LRRC4C: variants seen among roughly 807,000 people sequenced by gnomAD.
LRRC4C encodes the protein leucine rich repeat containing 4C.
LRRC4C carries 5 observed loss-of-function variants against 33.6 expected under a neutral mutation model. The observed-to-expected ratio is 0.15, with a 90% CI of 0.08 to 0.31. The LOEUF (loss-of-function observed/expected upper bound fraction) is 0.31, where lower values mean the gene tolerates loss of function less well. Among genes scored for constraint, LRRC4C ranks in the 10% least tolerant of loss-of-function variants. The pLI is 1.00. For missense variants in LRRC4C, 560 were observed against 796.7 expected (o/e 0.70, Z 3.58); for synonymous variants, 329 against 302.0 (o/e 1.09, Z -0.93).
intron 3 of LRRC4C, among the ~76,000 whole-genome samples, chr11:40,418,759 A>G (rs1210627565): frequency 6.6e-6 from 1 of 152,346 alleles, no homozygotes; most frequent in South Asian, 2.1e-4. Flanking sequence ...GTACACATAC[A>G]CCATTGAATA....
chr11:40,845,942 C>CT (rs1953137111), intron 2 of LRRC4C, among the ~76,000 whole-genome samples: 1 of 151,114 alleles, frequency 6.6e-6, no homozygotes. Flanking sequence ...TGATGATGAG[C>CT]TTTTTTTCAT....
intron 1 of LRRC4C, among the ~76,000 whole-genome samples, chr11:41,044,703 A>T (rs1013671922): frequency 6.6e-6 from 1 of 152,160 alleles, no homozygotes; most frequent in Non-Finnish European, 1.5e-5. Context: ...GATCAAGTAG[A>T]ACGCAGTTAT....
intron 1 of LRRC4C, among the ~76,000 whole-genome samples, chr11:40,952,163 A>G (rs888200659): frequency 5.9e-5 from 9 of 151,974 alleles, no homozygotes; most frequent in African/African-American, 2.2e-4. Context: ...TGGTGAAATT[A>G]GCAATGTGAG....
chr11:40,131,662 C>T (rs947900902), intron 6 of LRRC4C, among the ~76,000 whole-genome samples: 13 of 152,074 alleles, frequency 8.5e-5, no homozygotes, highest in Non-Finnish European at 1.6e-4. Context: ...TGATTTTGGA[C>T]TCTATTATTG....
rs1048877384 is a variant in LRRC4C at position 40,675,101 on chromosome 11, G to A, written c.-406-26823C>T. Among the ~76,000 whole-genome samples, 3 of 152,184 alleles carry A rather than the reference G, an allele frequency of 2.0e-5. 1 individual carries two copies. Among genetic ancestry groups the A allele is most frequent in the Middle Eastern group, 6.8e-3 (2 of 294 alleles). On this transcript the variant is annotated intron_variant, in intron 2 of 6. Transcript: ENST00000528697. Reference sequence around the variant, plus strand: ...CTTTTAAATTTATTTCATTGACAAGGTAGGTTTACTATACATTTAATGAAG... The same window carrying A: ...CTTTTAAATTTATTTCATTGACAAGATAGGTTTACTATACATTTAATGAAG...
intron 1 of LRRC4C, among the ~76,000 whole-genome samples, chr11:41,117,674 T>C (rs773885250): frequency 7.2e-5 from 11 of 152,102 alleles, no homozygotes; most frequent in Non-Finnish European, 1.2e-4. Flanking sequence ...GGATATCGTG[T>C]TGTGACATTA....
intron 3 of LRRC4C, among the ~76,000 whole-genome samples, chr11:40,331,608 C>A (rs2136939201): frequency 6.6e-6 from 1 of 152,298 alleles, no homozygotes; most frequent in South Asian, 2.1e-4. Flanking sequence ...TCTCCCCTCA[C>A]CAGTGTGGGC....
rs1945697092 is a variant in LRRC4C at position 40,318,711 on chromosome 11, G to C, written c.-176+917C>G. Among the ~76,000 whole-genome samples the C allele has an allele frequency of 2.0e-5, 3 of 152,248 alleles. No individual in the cohort carries two copies. The South Asian group carries it at 6.2e-4, about 32-fold the overall frequency. ...GCTAAGCCCATTTACTACCTAAACTGTTCCCTCCACCTGCTCTTTACAGAA... is the reference window on the plus strand; with the variant it reads ...GCTAAGCCCATTTACTACCTAAACTCTTCCCTCCACCTGCTCTTTACAGAA... On this transcript the variant is annotated intron_variant, in intron 4 of 6. Transcript: ENST00000528697.
intron 4 of LRRC4C, among the ~76,000 whole-genome samples, chr11:40,253,821 G>A (rs1866979886): frequency 1.3e-5 from 2 of 152,130 alleles, no homozygotes; most frequent in South Asian, 4.2e-4. Context: ...AGTGAGACAT[G>A]TCATTGTGTG....
intron 1 of LRRC4C, among the ~76,000 whole-genome samples, chr11:41,210,355 C>G (rs913915705): frequency 1.3e-5 from 2 of 152,152 alleles, no homozygotes; most frequent in African/African-American, 2.4e-5. Context: ...TTGAATAAGT[C>G]TCGCGAGATC....
At chr11:41,280,691 C>T (rs7936500) in intron 1 of LRRC4C, among the ~76,000 whole-genome samples, 19,118 of 152,138 alleles carry the variant, frequency 0.13, 1,342 homozygotes, top group Middle Eastern at 0.24. Context: ...TTGTTCTCTC[C>T]ATGTCCTTCT....
At chr11:40,488,502 T>C (rs1327072226) in intron 3 of LRRC4C, among the ~76,000 whole-genome samples, 1 of 151,308 alleles carries the variant, frequency 6.6e-6, no homozygotes, top group Non-Finnish European at 1.5e-5. Flanking sequence ...TATGGTATTC[T>C]AGTTCTCCAA....
chr11:40,844,950 T>G (rs1326342272), intron 2 of LRRC4C, among the ~76,000 whole-genome samples: 1 of 152,132 alleles, frequency 6.6e-6, no homozygotes, highest in Non-Finnish European at 1.5e-5. Context: ...TTGTCCTTTT[T>G]TTTAATTTTT....
At chr11:41,262,526 C>T (rs540544400) in intron 1 of LRRC4C, among the ~76,000 whole-genome samples, 95 of 152,036 alleles carry the variant, frequency 6.2e-4, no homozygotes, top group African/African-American at 2.0e-3. Context: ...GAGTCCTGCA[C>T]GGACATAACT....
intron 2 of LRRC4C, among the ~76,000 whole-genome samples, chr11:40,930,904 A>G (rs375991548): frequency 6.6e-6 from 1 of 152,224 alleles, no homozygotes; most frequent in Non-Finnish European, 1.5e-5. Flanking sequence ...AGAAAAGTTA[A>G]TTAAACAATA....
intron 3 of LRRC4C, among the ~76,000 whole-genome samples, chr11:40,523,428 T>C (rs1277551727): frequency 6.6e-6 from 1 of 151,530 alleles, no homozygotes; most frequent in Non-Finnish European, 1.5e-5. Context: ...AATATCAATC[T>C]CTTATAAGAT....
intron 1 of LRRC4C, among the ~76,000 whole-genome samples, chr11:41,119,749 C>T (rs1942328157): frequency 6.6e-6 from 1 of 152,106 alleles, no homozygotes; most frequent in South Asian, 2.1e-4. Context: ...CATGTTTGCT[C>T]TCTCTTGAAA....
chr11:41,398,627 T>C (rs1366293163), intron 1 of LRRC4C, among the ~76,000 whole-genome samples: 1 of 151,914 alleles, frequency 6.6e-6, no homozygotes, highest in African/African-American at 2.4e-5. Context: ...TAGTTTGATC[T>C]TGATTTCAAT....
intron 2 of LRRC4C, among the ~76,000 whole-genome samples, chr11:40,827,435 A>C (rs2135517809): frequency 6.6e-6 from 1 of 151,886 alleles, no homozygotes; most frequent in African/African-American, 2.4e-5. Context: ...TAAAAAGAAA[A>C]AATAAAAAAA....
Sources: gnomAD v4.1 joint callset for allele counts (sites outside exome capture counted in the v4.1 genomes callset) on GRCh38, gnomAD v4.1.1 for gene constraint, MANE v1.5 for transcripts, NCBI Gene and HGNC (gene_info 2026-07-23, HGNC 2026-07-21) for gene names.